SDK1: variants seen among roughly 807,000 people sequenced by gnomAD.
SDK1 encodes the protein sidekick cell adhesion molecule 1, also known as protein sidekick-1.
Under a neutral mutation model 245.5 loss-of-function variants are expected in SDK1, and 157 were observed. The observed-to-expected ratio is 0.64, with a 90% confidence interval of 0.56 to 0.73. The LOEUF is 0.73. SDK1 is among the 30% of genes least tolerant of loss of function. The pLI is 0.00. For synonymous variants in SDK1, 1,647 were observed against 1,278.5 expected (o/e 1.29, Z -6.15); for missense variants, 3,583 against 3,002.3 (o/e 1.19, Z -4.52).
chr7:3,924,289 A>G (rs1300302961), intron 5 of SDK1, among the ~76,000 whole-genome samples: 1 of 152,136 alleles, frequency 6.6e-6, no homozygotes, highest in African/African-American at 2.4e-5. Context: ...GGCTCAGTTC[A>G]TTCAGTTACA....
intron 4 of SDK1, among the ~76,000 whole-genome samples, chr7:3,753,022 T>C (rs752020213): frequency 6.6e-6 from 1 of 152,206 alleles, no homozygotes; most frequent in Non-Finnish European, 1.5e-5. Flanking sequence ...ACGTTGATAC[T>C]ACTCGGTGTC....
chr7:3,988,132 GTTTT>G lies in SDK1; in HGVS notation c.2131+832_2131+835del, dbSNP rs71032919. 1.7e-3 allele frequency among the ~76,000 whole-genome samples: 141 copies of G among 85,402 alleles called. 1 individual carries two copies. The highest frequency in any genetic ancestry group is 8.2e-3 in the Middle Eastern group (1 of 122). 56.0% of individuals were successfully genotyped at this position (85,402 alleles called of 152,430 possible). ...TTCCCACTGCATCCATCTTTTTAAT[GTTTT>G]TTTTTTTTTTTTTTTTTTTTTACCT... On this transcript the variant is annotated intron_variant, in intron 14 of 44. Coordinates refer to ENST00000404826, the MANE Select transcript of SDK1 (RefSeq NM_152744.4).
At chr7:3,905,661 T>C (rs992351463) in intron 5 of SDK1, among the ~76,000 whole-genome samples, 9 of 152,168 alleles carry the variant, frequency 5.9e-5, no homozygotes, top group Non-Finnish European at 7.4e-5. Flanking sequence ...GTTCTTGCTC[T>C]GTTGTCCAGG....
chr7:4,011,251 G>A, intron 15 of SDK1, 138 bp downstream of exon 15: 1 of 1,125,468 alleles, frequency 8.9e-7, no homozygotes. Context: ...ACCGTGAGCA[G>A]AAAAGCCTGT....
intron 1 of SDK1, among the ~76,000 whole-genome samples, chr7:3,490,531 A>C (rs915181622): frequency 6.6e-6 from 1 of 152,220 alleles, no homozygotes; most frequent in African/African-American, 2.4e-5. Flanking sequence ...TTCTTTAAAC[A>C]TCTTATTTTT....
At chr7:3,636,789 C>T (rs1280081698) in intron 2 of SDK1, among the ~76,000 whole-genome samples, 3 of 152,202 alleles carry the variant, frequency 2.0e-5, no homozygotes, top group East Asian at 1.9e-4. Flanking sequence ...ATAGTGGCTA[C>T]ACCAACTTAC....
intron 5 of SDK1, among the ~76,000 whole-genome samples, chr7:3,938,612 C>T (rs555669520): frequency 1.7e-4 from 25 of 145,976 alleles, no homozygotes; most frequent in Middle Eastern, 3.4e-3. Context: ...CGACACTGCA[C>T]TCCAGCCTGG....
At chr7:4,236,184 C>T (rs1326443418) in intron 41 of SDK1, among the ~76,000 whole-genome samples, 1 of 152,176 alleles carries the variant, frequency 6.6e-6, no homozygotes, top group East Asian at 1.9e-4. Context: ...TTCTGGCTGC[C>T]GTGAGCCAAT....
chr7:3,892,472 C>A (rs937529828), intron 5 of SDK1, among the ~76,000 whole-genome samples: 133 of 152,286 alleles, frequency 8.7e-4, no homozygotes, highest in African/African-American at 3.1e-3. Flanking sequence ...TGGCAGCCGT[C>A]CCCTCCTCCC....
At chr7:4,058,549 T>C (rs1367092485) in intron 19 of SDK1, among the ~76,000 whole-genome samples, 43 of 152,286 alleles carry the variant, frequency 2.8e-4, no homozygotes. Flanking sequence ...CCATGGCACA[T>C]TGTAGTCAAA....
intron 35 of SDK1, among the ~76,000 whole-genome samples, chr7:4,197,849 G>A (rs141114301): frequency 5.7e-4 from 87 of 152,322 alleles, no homozygotes; most frequent in Non-Finnish European, 9.7e-4. Flanking sequence ...CACTGCTTGC[G>A]GTGGTCTCCT....
chr7:4,268,149 C>T lies in SDK1; in HGVS notation c.*2765C>T, dbSNP rs945171304. 5.1e-6 allele frequency: 5 copies of T among 986,652 alleles called. No individual in the cohort carries two copies. The highest frequency in any genetic ancestry group is 6.0e-6 in the Non-Finnish European group (5 of 830,798). 61.1% of individuals were successfully genotyped at this position (986,652 alleles called of 1,614,324 possible). A position where few individuals can be genotyped will look rare whatever the true frequency, so the allele number is the denominator to read the frequency against. ...TGAAAGTCATGCCTTGCGGATGCCT[C>T]ATGACAGCAGTGGCTGAGTCTCCCC... On this transcript the variant is annotated 3_prime_UTR_variant, in exon 45 of 45. Transcript: ENST00000404826.
intron 4 of SDK1, among the ~76,000 whole-genome samples, chr7:3,766,136 G>T (rs1780247215): frequency 1.3e-5 from 2 of 152,108 alleles, no homozygotes; most frequent in East Asian, 1.9e-4. Flanking sequence ...CATGTTTGAG[G>T]ATTGACATCT....
chr7:3,968,769 C>A (rs1463003430), intron 10 of SDK1, among the ~76,000 whole-genome samples: 1 of 152,262 alleles, frequency 6.6e-6, no homozygotes, highest in Admixed American at 6.5e-5. Flanking sequence ...TATTTCTTTT[C>A]CTACAATTTT....
intron 4 of SDK1, among the ~76,000 whole-genome samples, chr7:3,815,362 T>G (rs199795956): frequency 0.12 from 13,501 of 115,782 alleles, 496 homozygotes; most frequent in Middle Eastern, 0.23. Context: ...TCTGCATCTA[T>G]TGAGATAATC....
intron 32 of SDK1, among the ~76,000 whole-genome samples, chr7:4,168,590 C>A (rs906073017): frequency 6.6e-6 from 1 of 152,312 alleles, no homozygotes; most frequent in East Asian, 1.9e-4. Flanking sequence ...TTCGTCACGC[C>A]ACCTGAGCTT....
intron 19 of SDK1, among the ~76,000 whole-genome samples, chr7:4,065,185 A>C (rs1489250170): frequency 6.6e-6 from 1 of 152,190 alleles, no homozygotes; most frequent in East Asian, 1.9e-4. Context: ...AAATGTGTAC[A>C]AGTATTATGT....
chr7:3,537,183 T>A (rs1778913547), intron 1 of SDK1, among the ~76,000 whole-genome samples: 2 of 152,210 alleles, frequency 1.3e-5, no homozygotes, highest in African/African-American at 4.8e-5. Context: ...TCATCATGGA[T>A]TAGTGTTTTC....
At chr7:3,738,224 A>G (rs1583358851) in intron 4 of SDK1, among the ~76,000 whole-genome samples, 1 of 152,144 alleles carries the variant, frequency 6.6e-6, no homozygotes, top group South Asian at 2.1e-4. Flanking sequence ...TAATTTTTGT[A>G]TGTGGCGTAA....
Sources: gnomAD v4.1 joint callset for allele counts (sites outside exome capture counted in the v4.1 genomes callset) on GRCh38, gnomAD v4.1.1 for gene constraint, MANE v1.5 for transcripts, NCBI Gene and HGNC (gene_info 2026-07-23, HGNC 2026-07-21) for gene names.